CYP46A1: variants seen among roughly 807,000 people sequenced by gnomAD.
CYP46A1 encodes the protein cholesterol 24-hydroxylase.
In CYP46A1, 20 loss-of-function variants were observed where a neutral mutation model predicts 63.3. The ratio of observed to expected loss-of-function variants is 0.32; its 90% CI spans 0.22 to 0.46. CYP46A1 has a LOEUF of 0.46. CYP46A1 is among the 20% of genes least tolerant of loss of function. CYP46A1 has a pLI of 1.00. For synonymous variants in CYP46A1, 268 were observed against 273.6 expected, an observed-to-expected ratio of 0.98 and a Z score of 0.20; for missense variants, 445 against 670.8, an observed-to-expected ratio of 0.66 and a Z score of 3.72.
chr14:99,714,363 C>A (rs1222164326), intron 7 of CYP46A1, among the ~76,000 whole-genome samples: 1 of 152,200 alleles, frequency 6.6e-6, no homozygotes, highest in East Asian at 1.9e-4. Flanking sequence ...AGTCCCACTA[C>A]TGGGTATTTA....
Position 99,697,501 on chromosome 14 carries a change from G to T in CYP46A1, c.283-1965G>T, listed in dbSNP as rs531667156. 2.6e-5 allele frequency among the ~76,000 whole-genome samples: 4 copies of T among 152,278 alleles called. No homozygotes were observed. The East Asian group carries it at 7.7e-4, about 29-fold the overall frequency. On this transcript the variant is annotated intron_variant, in intron 3 of 14. Coordinates refer to ENST00000261835, the MANE Select transcript of CYP46A1 (RefSeq NM_006668.2). ...GTGCTGCTGTCCTGGAATTGCCTCT[G>T]GGTAGAAAGCTCGGTAATCCTAGGT...
At chr14:99,721,878 TC>T in intron 11 of CYP46A1, 77 bp from the exon 12 acceptor site, 1 of 1,202,424 alleles carries the variant, frequency 8.3e-7, no homozygotes, top group Non-Finnish European at 1.2e-6. Flanking sequence ...AAGACAGGGG[TC>T]CCAGGCATGC....
chr14:99,726,374 C>A, intron 14 of CYP46A1, 118 bp downstream of exon 14: 2 of 1,062,520 alleles, frequency 1.9e-6, no homozygotes, highest in Non-Finnish European at 2.6e-6. Context: ...GGGCTCGGGA[C>A]CCAGCGGAGC....
chr14:99,699,964 C>CGGGGGGGGGGGGGGGG, intron 4 of CYP46A1, 51 bp from the exon 5 acceptor site: 5 of 773,848 alleles, frequency 6.5e-6, no homozygotes, highest in Non-Finnish European at 1.0e-5. Context: ...ATCAAGCAGT[C>CGGGGGGGGGGGGGGGG]GCTCCCCACC....
intron 3 of CYP46A1, among the ~76,000 whole-genome samples, chr14:99,697,679 G>A (rs2056597781): frequency 6.6e-6 from 1 of 152,244 alleles, no homozygotes; most frequent in Non-Finnish European, 1.5e-5. Context: ...CTCCTTCCCG[G>A]GTGGAAGTGT....
intron 7 of CYP46A1, among the ~76,000 whole-genome samples, chr14:99,713,595 G>A (rs1201871920): frequency 6.6e-6 from 1 of 151,396 alleles, no homozygotes; most frequent in Non-Finnish European, 1.5e-5. Context: ...ATAGACAAAC[G>A]TGGCCAGGCA....
chr14:99,687,115 C>G (rs1397152499), intron 1 of CYP46A1, among the ~76,000 whole-genome samples: 2 of 152,134 alleles, frequency 1.3e-5, no homozygotes, highest in African/African-American at 4.8e-5. Context: ...TACAGGAGGC[C>G]CTCCCTCAGT....
intron 1 of CYP46A1, among the ~76,000 whole-genome samples, chr14:99,685,419 G>A (rs2056485522): frequency 6.7e-6 from 1 of 148,248 alleles, no homozygotes; most frequent in South Asian, 2.2e-4. Flanking sequence ...AGCACCTTGT[G>A]TAAAGACCAC....
At chr14:99,718,257 G>A (rs980577028) in intron 10 of CYP46A1, 131 bp downstream of exon 10, 2 of 664,098 alleles carry the variant, frequency 3.0e-6, no homozygotes, top group East Asian at 2.8e-5. Context: ...GGCACATGCT[G>A]TTCCCTCTCT....
rs779523894 is a variant in CYP46A1 at position 99,722,058 on chromosome 14, C to T, written c.1168C>T (p.Pro390Ser). 1.2e-6 allele frequency: 2 copies of T among 1,611,954 alleles called. No homozygotes were observed. The highest frequency in any genetic ancestry group is 4.5e-5 in the East Asian group (2 of 44,854). The change falls in exon 12 of 15, where the codon CCG (proline) becomes TCG (serine). Residue 390 changes from proline to serine, a missense_variant. Pro to Ser is a moderately conservative substitution (Grantham distance 74, BLOSUM62 -1). Transcript: ENST00000261835. The surrounding 1 kb of genome is among the most constrained non-coding windows in gnomAD (Gnocchi z 4.6). ...IDGVRVPGNTPLLFSTYVMGR... is the reference protein window; with the variant it reads ...IDGVRVPGNTSLLFSTYVMGR... Reference sequence around the variant, plus strand: ...TGGGGTCAGAGTCCCCGGCAACACCCCGCTCTTGGTGGGTGGAGGCCCTGG... The same window carrying T: ...TGGGGTCAGAGTCCCCGGCAACACCTCGCTCTTGGTGGGTGGAGGCCCTGG...
intron 3 of CYP46A1, chr14:99,693,613 A>G (rs1426058809): frequency 6.6e-6 from 1 of 152,232 alleles, no homozygotes; most frequent in African/African-American, 2.4e-5. Context: ...TCAGGTTAAT[A>G]CTGACCTCAT....
intron 1 of CYP46A1, among the ~76,000 whole-genome samples, chr14:99,689,966 C>A (rs906427337): frequency 1.3e-5 from 2 of 152,210 alleles, no homozygotes; most frequent in Non-Finnish European, 2.9e-5. Flanking sequence ...ACATGACCTG[C>A]CCCCAGTCTT....
chr14:99,726,798 C>T lies in CYP46A1; in HGVS notation c.*71C>T. 9 of 1,295,120 alleles carry T rather than the reference C, an allele frequency of 6.9e-6. No homozygotes were observed. The highest frequency in any genetic ancestry group is 9.3e-6 in the Non-Finnish European group (9 of 969,784). The allele number at this position is 1,295,120 out of a possible 1,614,324, so 80.2% of individuals were successfully genotyped here. ...CGCCCACCTCTGCTGCCCACGGCCA[C>T]CCACCCTTCTCCCCTGCCCCGTCCC... is the stretch of plus-strand genomic sequence containing the variant. On this transcript the variant is annotated 3_prime_UTR_variant, in exon 15 of 15. Transcript: ENST00000261835.
intron 10 of CYP46A1, among the ~76,000 whole-genome samples, chr14:99,720,129 T>C (rs921823635): frequency 6.6e-6 from 1 of 152,156 alleles, no homozygotes; most frequent in Non-Finnish European, 1.5e-5. Context: ...TGCATATTCA[T>C]ATATCTGTCC....
intron 7 of CYP46A1, chr14:99,708,853 A>C (rs1435708657): frequency 6.6e-6 from 1 of 152,340 alleles, no homozygotes; most frequent in Admixed American, 6.5e-5. Flanking sequence ...AGTGATGCTC[A>C]AGGACTGGCC....
At chr14:99,713,880 A>C (rs1595199821) in intron 7 of CYP46A1, among the ~76,000 whole-genome samples, 1 of 151,314 alleles carries the variant, frequency 6.6e-6, no homozygotes, top group Non-Finnish European at 1.5e-5. Context: ...AAAAAAAAAA[A>C]AAAAAAAAAA....
intron 3 of CYP46A1, among the ~76,000 whole-genome samples, chr14:99,696,772 A>G (rs2056590447): frequency 6.6e-6 from 1 of 152,238 alleles, no homozygotes; most frequent in Non-Finnish European, 1.5e-5. Context: ...TGGCATGTCT[A>G]ATGATTTTTT....
intron 1 of CYP46A1, among the ~76,000 whole-genome samples, chr14:99,685,224 C>T (rs1213155583): frequency 6.6e-6 from 1 of 151,460 alleles, no homozygotes; most frequent in Non-Finnish European, 1.5e-5. Context: ...AGGCCCCTGC[C>T]GAGCACTCAG....
At chr14:99,690,800 CAAT>C (rs1230860907) in intron 1 of CYP46A1, among the ~76,000 whole-genome samples, 1 of 152,128 alleles carries the variant, frequency 6.6e-6, no homozygotes, top group African/African-American at 2.4e-5. Flanking sequence ...TGATCCCACA[CAAT>C]ATTATTGAGT....
Sources: gnomAD v4.1 joint callset for allele counts (sites outside exome capture counted in the v4.1 genomes callset) on GRCh38, gnomAD v4.1.1 for gene constraint, Gnocchi (gnomAD v3.1) non-coding constraint, MANE v1.5 for transcripts, NCBI Gene and HGNC (gene_info 2026-07-23, HGNC 2026-07-21) for gene names.